AGBL1: variants seen among roughly 807,000 people sequenced by gnomAD.
AGBL1 encodes cytosolic carboxypeptidase 4.
A neutral mutation model predicts 118.9 loss-of-function variants in AGBL1; 130 were observed. The ratio of observed to expected loss-of-function variants is 1.09; its 90% CI spans 0.95 to 1.26. AGBL1 has a LOEUF of 1.26. Ranked by LOEUF, AGBL1 falls within the 50% of genes most tolerant of loss-of-function variation. AGBL1 has a pLI of 0.00. For missense variants in AGBL1, 1,584 were observed against 1,298.1 expected (o/e 1.22, Z -3.38); for synonymous variants, 555 against 478.9 (o/e 1.16, Z -2.08).
At chr15:86,655,298 G>T (rs547035271) in intron 21 of AGBL1, among the ~76,000 whole-genome samples, 1 of 152,142 alleles carries the variant, frequency 6.6e-6, no homozygotes. Context: ...CAATTGAAGC[G>T]CAGCTGAATA....
intron 21 of AGBL1, among the ~76,000 whole-genome samples, chr15:86,622,470 A>G (rs568021954): frequency 1.2e-4 from 19 of 152,230 alleles, no homozygotes; most frequent in Non-Finnish European, 5.9e-5. Context: ...TCATGGAAAG[A>G]TATAAAATCG....
chr15:86,141,041 C>A (rs1270265620), intron 1 of AGBL1, among the ~76,000 whole-genome samples: 1 of 152,008 alleles, frequency 6.6e-6, no homozygotes, highest in African/African-American at 2.4e-5. Context: ...AATAAAATAC[C>A]CTCTCCTCCA....
chr15:86,294,402 C>CAAAAA (rs35878636), intron 16 of AGBL1, among the ~76,000 whole-genome samples: 2 of 63,558 alleles, frequency 3.1e-5, no homozygotes, highest in Non-Finnish European at 5.6e-5. Context: ...GACTTTGTCT[C>CAAAAA]AAAAAAAAAA....
At chr15:86,949,273 T>C (rs993410899) in intron 23 of AGBL1, among the ~76,000 whole-genome samples, 23 of 152,108 alleles carry the variant, frequency 1.5e-4, no homozygotes, top group Non-Finnish European at 2.2e-4. Context: ...AAGATGAAAT[T>C]TGAAATCTGT....
chr15:86,805,846 C>A (rs1357751079), intron 22 of AGBL1, among the ~76,000 whole-genome samples: 1 of 152,158 alleles, frequency 6.6e-6, no homozygotes, highest in African/African-American at 2.4e-5. Flanking sequence ...TCAACTCGTA[C>A]TATGAATAAG....
At chr15:86,389,930 T>C (rs961919938) in intron 17 of AGBL1, among the ~76,000 whole-genome samples, 4 of 152,136 alleles carry the variant, frequency 2.6e-5, no homozygotes, top group African/African-American at 9.7e-5. Context: ...AAATCATTAA[T>C]TATATCAAAT....
intron 23 of AGBL1, among the ~76,000 whole-genome samples, chr15:86,959,874 C>T (rs993876644): frequency 6.6e-6 from 1 of 151,994 alleles, no homozygotes; most frequent in Admixed American, 6.6e-5. Context: ...ACAAGTGGAT[C>T]ATTGATTGGA....
chr15:86,920,739 G>T (rs2080474616), downstream of AGBL1, among the ~76,000 whole-genome samples: 1 of 152,184 alleles, frequency 6.6e-6, no homozygotes, highest in Non-Finnish European at 1.5e-5. Context: ...TATTGATGTA[G>T]TATACACAGC....
intron 17 of AGBL1, among the ~76,000 whole-genome samples, chr15:86,312,543 T>C (rs1176659699): frequency 6.6e-6 from 1 of 152,228 alleles, no homozygotes; most frequent in Non-Finnish European, 1.5e-5. Flanking sequence ...TTGCCTTTCC[T>C]GGTAACAGAT....
intron 18 of AGBL1, among the ~76,000 whole-genome samples, chr15:86,418,456 G>A (rs536308849): frequency 6.6e-6 from 1 of 152,142 alleles, no homozygotes; most frequent in Non-Finnish European, 1.5e-5. Flanking sequence ...TCCCAAAATT[G>A]TTCTTGGTTA....
intron 18 of AGBL1, among the ~76,000 whole-genome samples, chr15:86,462,963 A>T (rs892884799): frequency 6.6e-6 from 1 of 152,170 alleles, no homozygotes; most frequent in Non-Finnish European, 1.5e-5. Flanking sequence ...CAGTAATGGG[A>T]TTGCTGGGTC....
chr15:86,327,081 A>G (rs1486162385), intron 17 of AGBL1, among the ~76,000 whole-genome samples: 2 of 152,174 alleles, frequency 1.3e-5, no homozygotes, highest in African/African-American at 4.8e-5. Flanking sequence ...AAAGAGGGAC[A>G]GAGGTAAAGG....
intron 21 of AGBL1, among the ~76,000 whole-genome samples, chr15:86,556,840 A>T (rs1381295198): frequency 6.6e-6 from 1 of 152,204 alleles, no homozygotes; most frequent in Non-Finnish European, 1.5e-5. Flanking sequence ...TCCTTCCTTC[A>T]TAAGAATGTA....
intron 17 of AGBL1, among the ~76,000 whole-genome samples, chr15:86,326,077 A>G (rs550008790): frequency 6.6e-6 from 1 of 152,284 alleles, no homozygotes; most frequent in South Asian, 2.1e-4. Flanking sequence ...CTCTGGTCCC[A>G]TTTGTGAAGG....
At chr15:86,993,112 T>A (rs2081349465) in intron 24 of AGBL1, among the ~76,000 whole-genome samples, 1 of 152,228 alleles carries the variant, frequency 6.6e-6, no homozygotes, top group Non-Finnish European at 1.5e-5. Context: ...CATAAATAGT[T>A]TCAGAGTATC....
At chr15:86,527,759 G>A (rs563637910) in intron 19 of AGBL1, among the ~76,000 whole-genome samples, 2 of 152,336 alleles carry the variant, frequency 1.3e-5, no homozygotes, top group South Asian at 2.1e-4. Context: ...GGATTAATAT[G>A]ACTCCCAGGA....
chr15:86,970,380 G>T (rs1011883050), intron 23 of AGBL1, among the ~76,000 whole-genome samples: 9 of 151,928 alleles, frequency 5.9e-5, no homozygotes, highest in Non-Finnish European at 1.0e-4. Flanking sequence ...ATTGCCAATT[G>T]TATATCAGGC....
At chr15:86,136,906 A>G (rs1011943599) in intron 1 of AGBL1, among the ~76,000 whole-genome samples, 3 of 152,116 alleles carry the variant, frequency 2.0e-5, no homozygotes, top group Non-Finnish European at 4.4e-5. Flanking sequence ...TCCAACTCCA[A>G]CTCCCTGAGT....
chr15:86,603,136 CTTTTA>C (rs2084522250), intron 21 of AGBL1, among the ~76,000 whole-genome samples: 1 of 152,100 alleles, frequency 6.6e-6, no homozygotes, highest in Admixed American at 6.6e-5. Flanking sequence ...AGGTGGTTTC[CTTTTA>C]TTCTCAGAAC....
Sources: gnomAD v4.1 joint callset for allele counts (sites outside exome capture counted in the v4.1 genomes callset) on GRCh38, gnomAD v4.1.1 for gene constraint, MANE v1.5 for transcripts, NCBI Gene and HGNC (gene_info 2026-07-23, HGNC 2026-07-21) for gene names.